Variants in PTPRA observed in about 807,000 individuals in gnomAD.
PTPRA encodes protein tyrosine phosphatase receptor type A.
A neutral mutation model predicts 104.8 loss-of-function variants in PTPRA; 25 were observed. That is an observed-to-expected ratio of 0.24 (90% CI 0.17 to 0.33). The LOEUF (loss-of-function observed/expected upper bound fraction) is 0.33. PTPRA is among the 10% of genes least tolerant of loss of function. PTPRA has a pLI of 1.00. For missense variants in PTPRA, 765 were observed against 1,015.3 expected (o/e 0.75, Z 3.35); for synonymous variants, 323 against 368.9 (o/e 0.88, Z 1.43).
chr20:2,932,717 T>C (rs2060552786), intron 2 of PTPRA, among the ~76,000 whole-genome samples: 1 of 152,202 alleles, frequency 6.6e-6, no homozygotes, highest in Admixed American at 6.5e-5. Flanking sequence ...ATATGTTTTC[T>C]GCACAGCACT....
chr20:3,019,000 C>G (rs1427847800), intron 13 of PTPRA, among the ~76,000 whole-genome samples: 1 of 138,978 alleles, frequency 7.2e-6, no homozygotes, highest in Non-Finnish European at 1.6e-5. Context: ...CAACCTCCCT[C>G]CCGGACAGGG....
At chr20:2,985,082 G>A (rs1372679644) in intron 6 of PTPRA, among the ~76,000 whole-genome samples, 1 of 152,170 alleles carries the variant, frequency 6.6e-6, no homozygotes, top group Admixed American at 6.5e-5. Flanking sequence ...TCTGTTCCTA[G>A]TGTCTCAAAC....
At chr20:3,021,934 C>A in intron 14 of PTPRA, 120 bp from the exon 15 acceptor site, 1 of 1,291,656 alleles carries the variant, frequency 7.7e-7, no homozygotes, top group Non-Finnish European at 1.1e-6. Flanking sequence ...GGTTAACTAA[C>A]TCCCCTGGGT....
intron 2 of PTPRA, among the ~76,000 whole-genome samples, chr20:2,943,837 T>C (rs2061020396): frequency 6.6e-6 from 1 of 152,172 alleles, no homozygotes; most frequent in Admixed American, 6.5e-5. Flanking sequence ...ATTCTAAAGT[T>C]TAAGAAAAAG....
chr20:2,936,318 G>A (rs865916929), intron 2 of PTPRA, among the ~76,000 whole-genome samples: 1 of 152,108 alleles, frequency 6.6e-6, no homozygotes, highest in South Asian at 2.1e-4. Flanking sequence ...ATAGCATATA[G>A]TTGGGTCTTT....
Position 3,005,126 on chromosome 20 carries a change from G to A in PTPRA, c.809G>A (p.Arg270Gln). Residue 270 changes from arginine (R) to glutamine (Q), a missense_variant, in exon 10 of 24, where the codon CGA becomes CAA. Around this residue, in one of 4 missense-constraint regions of PTPRA, gnomAD observed 245 missense variants for 398.7 expected, o/e 0.61. Transcript: ENST00000399903. Reference sequence around the variant, plus strand: ...AAGGAGGAAAACAAGGAAAAAAATCGATATGTAAACATCTTGCCTTGTGAG... The same window carrying A: ...AAGGAGGAAAACAAGGAAAAAAATCAATATGTAAACATCTTGCCTTGTGAG... ...ASKEENKEKN[R>Q]YVNILPYDHS... The A allele has an allele frequency of 6.2e-7, 1 of 1,605,542 alleles. No homozygotes were observed. Among genetic ancestry groups the A allele is most frequent in the Non-Finnish European group, 8.5e-7 (1 of 1,172,184 alleles).
In PTPRA at chr20:3,037,794, C is replaced by G. The variant is rs1313472348; in HGVS notation, c.2335-265C>G. Among the ~76,000 whole-genome samples, 1 of 152,162 alleles carries G rather than the reference C, an allele frequency of 6.6e-6. No homozygotes were observed. Among genetic ancestry groups the G allele is most frequent in the Non-Finnish European group, 1.5e-5 (1 of 68,042 alleles). On this transcript the variant is annotated intron_variant, in intron 23 of 23. Coordinates refer to ENST00000399903, the MANE Select transcript of PTPRA (RefSeq NM_001385305.1). The surrounding 1 kb of genome is among the most constrained non-coding windows in gnomAD (Gnocchi z 4.3). ...CGTGGGCCATGCTCAGCTGCACTGT[C>G]TCCCAGCCCAGCACATGCCTGTCTG...
At chr20:2,865,083 C>T in the PTPRA span, 4 of 1,614,190 alleles carry the variant, frequency 2.5e-6, no homozygotes, top group South Asian at 4.4e-5. This position sits in a 1 kb window ranked among gnomAD's most constrained non-coding sequence, Gnocchi z 5.2. Context: ...CCAAGAGCCT[C>T]CTCGTCTCCT....
At chr20:2,988,315 AC>A in intron 8 of PTPRA, 22 bp from the exon 9 acceptor site, 1 of 1,577,412 alleles carries the variant, frequency 6.3e-7, no homozygotes, top group Non-Finnish European at 8.6e-7. Context: ...TACCTGACTG[AC>A]CTTCTCCCTT....
At chr20:2,865,903 G>C in the PTPRA span, 1 of 483,192 alleles carries the variant, frequency 2.1e-6, no homozygotes, top group South Asian at 2.3e-5. The surrounding 1 kb of genome is among the most constrained non-coding windows in gnomAD (Gnocchi z 5.2). Flanking sequence ...TCAATCACAA[G>C]AGAACACAGG....
At chr20:2,936,819 G>T (rs549173696) in intron 2 of PTPRA, among the ~76,000 whole-genome samples, 1 of 151,952 alleles carries the variant, frequency 6.6e-6, no homozygotes, top group Non-Finnish European at 1.5e-5. Flanking sequence ...ATTTCTTTTC[G>T]TTGGTATGTA....
chr20:2,924,695 T>G (rs1365843766), intron 2 of PTPRA, among the ~76,000 whole-genome samples: 1 of 152,126 alleles, frequency 6.6e-6, no homozygotes, highest in Non-Finnish European at 1.5e-5. Context: ...TTTGTTTTGT[T>G]TTTTGAGACT....
At chr20:2,937,281 C>T (rs2060741253) in intron 2 of PTPRA, among the ~76,000 whole-genome samples, 1 of 151,968 alleles carries the variant, frequency 6.6e-6, no homozygotes, top group Admixed American at 6.6e-5. Flanking sequence ...CATGCCACCA[C>T]ACCCAGCTAA....
chr20:2,936,100 C>T (rs2060691462), intron 2 of PTPRA, among the ~76,000 whole-genome samples: 1 of 151,824 alleles, frequency 6.6e-6, no homozygotes, highest in Non-Finnish European at 1.5e-5. Context: ...TTCAGGCAGT[C>T]TTCCTGTCTT....
chr20:3,007,504 G>A, intron 11 of PTPRA, 84 bp downstream of exon 11: 12 of 1,390,166 alleles, frequency 8.6e-6, no homozygotes, highest in Non-Finnish European at 1.2e-5. Context: ...TGTGTTAGGA[G>A]AAATATTTGT....
At chr20:2,918,333 ACT>A (rs1288701022) in intron 1 of PTPRA, among the ~76,000 whole-genome samples, 1 of 151,850 alleles carries the variant, frequency 6.6e-6, no homozygotes. Context: ...CACTTATAAA[ACT>A]CTATTTTTAA....
intron 2 of PTPRA, among the ~76,000 whole-genome samples, chr20:2,926,150 TG>T (rs1227024098): frequency 2.6e-5 from 4 of 152,160 alleles, no homozygotes; most frequent in African/African-American, 9.7e-5. Context: ...TGTGAAAAAA[TG>T]GGAATTTACC....
chr20:2,907,292 C>A (rs2059461185), intron 1 of PTPRA, among the ~76,000 whole-genome samples: 2 of 151,532 alleles, frequency 1.3e-5, no homozygotes, highest in Non-Finnish European at 1.5e-5. Context: ...AAATTTCAAT[C>A]TCAGTTCCAA....
At chr20:2,976,274 G>A (rs565683248) in intron 6 of PTPRA, among the ~76,000 whole-genome samples, 5 of 152,254 alleles carry the variant, frequency 3.3e-5, no homozygotes, top group African/African-American at 1.2e-4. Context: ...GACTTAAATA[G>A]GTTTTATTGT....
Sources: allele counts gnomAD v4.1 joint callset (sites outside exome capture counted in the v4.1 genomes callset), GRCh38; gene constraint gnomAD v4.1.1; regional missense constraint gnomAD v4.1.1; non-coding constraint Gnocchi (gnomAD v3.1); transcripts MANE v1.5; gene names NCBI Gene and HGNC (gene_info 2026-07-23, HGNC 2026-07-21).